Variants in BANP observed in about 807,000 individuals in gnomAD.
BANP encodes the protein protein BANP.
BANP carries 11 observed loss-of-function variants against 68.1 expected under a neutral mutation model. The ratio of observed to expected loss-of-function variants is 0.16; its 90% CI spans 0.10 to 0.27. BANP has a LOEUF of 0.27. BANP is among the 10% of genes least tolerant of loss of function. The pLI is 1.00. For missense variants in BANP, 504 were observed against 722.7 expected (o/e 0.70, Z 3.47); for synonymous variants, 329 against 303.2 (o/e 1.09, Z -0.88).
At chr16:88,073,348 C>G (rs1043507456) in intron 13 of BANP, among the ~76,000 whole-genome samples, 2 of 152,188 alleles carry the variant, frequency 1.3e-5, no homozygotes, top group South Asian at 2.1e-4. Flanking sequence ...GGCCCCTCCT[C>G]TGGCCTGAGC....
chr16:88,026,913 C>A (rs867244289), intron 7 of BANP, among the ~76,000 whole-genome samples: 10 of 152,226 alleles, frequency 6.6e-5, no homozygotes, highest in African/African-American at 2.2e-4. Context: ...GGAAGGTGGT[C>A]AGTGCTCTGA....
Position 87,975,086 on chromosome 16 carries a change from C to T in BANP, c.-30C>T, listed in dbSNP as rs75198035. The T allele has an allele frequency of 1.8e-5, 29 of 1,591,192 alleles. No individual in the cohort carries two copies. Among genetic ancestry groups the T allele is most frequent in the South Asian group, 4.4e-5 (4 of 90,700 alleles). On this transcript the variant is annotated 5_prime_UTR_variant, in exon 2 of 14. Coordinates refer to ENST00000682872, the MANE Select transcript of BANP (RefSeq NM_001386991.1). ...AGCCCCACTGTGAGTTGAACTCTTT[C>T]GTGTTGACCGGCCACTCTCCGTGCT...
intron 4 of BANP, among the ~76,000 whole-genome samples, chr16:87,996,554 G>T (rs944630180): frequency 7.2e-6 from 1 of 137,944 alleles, no homozygotes; most frequent in African/African-American, 2.8e-5. Flanking sequence ...CCTGGGCGCC[G>T]GCTGGGCTCT....
At chr16:87,962,333 G>C (rs1260971355) in intron 1 of BANP, among the ~76,000 whole-genome samples, 1 of 150,746 alleles carries the variant, frequency 6.6e-6, no homozygotes, top group Non-Finnish European at 1.5e-5. Flanking sequence ...AACGGAGTAA[G>C]ACAGCGTTAA....
At chr16:87,983,271 G>A (rs994210367) in intron 3 of BANP, among the ~76,000 whole-genome samples, 1 of 152,164 alleles carries the variant, frequency 6.6e-6, no homozygotes, top group African/African-American at 2.4e-5. Flanking sequence ...CTGAAGGAGT[G>A]TCCTTCTGTC....
chr16:87,981,076 T>A lies in BANP; in HGVS notation c.111T>A (p.Pro37=). Residue 37 remains proline (P), a synonymous_variant, in exon 3 of 14, where the codon CCT becomes CCA. Coordinates refer to ENST00000682872, the MANE Select transcript of BANP (RefSeq NM_001386991.1). ...ATGTAGTGACAGATGAAGACGAACC[T>A]GCTTTGAAACGCCAGCGACTAGAAA... ...ENHVVTDEDE[P]ALKRQRLEIN... 6.2e-7 allele frequency: 1 copy of A among 1,614,148 alleles called. No homozygotes were observed. The highest frequency in any genetic ancestry group is 1.1e-5 in the South Asian group (1 of 91,078).
At chr16:87,980,079 A>G (rs527406501) in intron 2 of BANP, among the ~76,000 whole-genome samples, 16 of 152,336 alleles carry the variant, frequency 1.1e-4, no homozygotes, top group South Asian at 4.1e-4. Context: ...GTTTATCTCA[A>G]TGTGTGAGCA....
At chr16:87,970,894 A>G (rs1473279847) in intron 1 of BANP, among the ~76,000 whole-genome samples, 2 of 152,002 alleles carry the variant, frequency 1.3e-5, no homozygotes, top group African/African-American at 2.4e-5. Context: ...GTGGGCACCT[A>G]TAATCACAGC....
chr16:88,043,644 G>T lies in BANP; in HGVS notation c.1311+5633G>T, dbSNP rs550470086. On this transcript the variant is annotated intron_variant, in intron 11 of 13. Coordinates refer to ENST00000682872, the MANE Select transcript of BANP (RefSeq NM_001386991.1). Reference sequence around the variant, plus strand: ...GATTGCAGAATTGGTTTGAGTAGAGGACAGGCCTTGTATGGTAAATTAGAC... The same window carrying T: ...GATTGCAGAATTGGTTTGAGTAGAGTACAGGCCTTGTATGGTAAATTAGAC... 1.2e-4 allele frequency among the ~76,000 whole-genome samples: 18 copies of T among 152,256 alleles called. 1 individual carries two copies. Among genetic ancestry groups the T allele is most frequent in the Non-Finnish European group, 2.4e-4 (16 of 68,016 alleles).
At chr16:88,028,247 C>T (rs1477503041) in intron 8 of BANP, among the ~76,000 whole-genome samples, 1 of 152,248 alleles carries the variant, frequency 6.6e-6, no homozygotes, top group Non-Finnish European at 1.5e-5. Flanking sequence ...CCCACAGTAG[C>T]TGCATTGGCA....
At chr16:88,014,016 C>G (rs1466046952) in intron 6 of BANP, among the ~76,000 whole-genome samples, 2 of 152,240 alleles carry the variant, frequency 1.3e-5, no homozygotes, top group East Asian at 3.8e-4. Flanking sequence ...CCAGCACAAA[C>G]TGGGTCCTGC....
intron 11 of BANP, among the ~76,000 whole-genome samples, chr16:88,054,545 C>G (rs2084474307): frequency 6.6e-6 from 1 of 152,074 alleles, no homozygotes; most frequent in African/African-American, 2.4e-5. Flanking sequence ...TTGCCCTTAC[C>G]TCCGCCACCC....
chr16:88,035,060 G>C (rs57644668), intron 9 of BANP: 8 of 461,074 alleles, frequency 1.7e-5, no homozygotes, highest in Admixed American at 1.5e-4. Context: ...AGCATATATG[G>C]GGTTCAGCAC....
chr16:88,065,713 G>A (rs2088355627), intron 12 of BANP, among the ~76,000 whole-genome samples: 1 of 152,184 alleles, frequency 6.6e-6, no homozygotes, highest in South Asian at 2.1e-4. Flanking sequence ...CAACCTAGGA[G>A]GGAGGAGAGC....
chr16:88,038,444 G>A (rs1288363093), intron 11 of BANP, among the ~76,000 whole-genome samples: 1 of 152,190 alleles, frequency 6.6e-6, no homozygotes, highest in East Asian at 1.9e-4. Flanking sequence ...CAGCTTTTGC[G>A]CTATGGCGGA....
intron 13 of BANP, among the ~76,000 whole-genome samples, chr16:88,075,683 G>A (rs1182736868): frequency 3.3e-5 from 5 of 151,832 alleles, no homozygotes; most frequent in Admixed American, 6.6e-5. Context: ...CACCTGGGGC[G>A]TGTTCCGTGT....
At chr16:88,043,557 G>T (rs1454556866) in intron 11 of BANP, among the ~76,000 whole-genome samples, 1 of 152,218 alleles carries the variant, frequency 6.6e-6, no homozygotes, top group Non-Finnish European at 1.5e-5. Flanking sequence ...TGATATCATA[G>T]TAGAAATTCG....
chr16:88,008,384 T>G (rs1325719259), intron 6 of BANP, among the ~76,000 whole-genome samples: 3 of 152,228 alleles, frequency 2.0e-5, no homozygotes, highest in Non-Finnish European at 4.4e-5. Context: ...CTGATTTCAT[T>G]TTCATAGAAA....
At position 88,071,326 on chromosome 16, in the gene BANP, G is replaced by A. The variant is rs1033187575; in HGVS notation, c.1378-743G>A. 2.7e-6 allele frequency: 1 copy of A among 374,028 alleles called. No homozygotes were observed. Among genetic ancestry groups the A allele is most frequent in the Non-Finnish European group, 5.3e-6 (1 of 187,616 alleles). The allele number at this position is 374,028 out of a possible 1,614,324, so 23.2% of individuals were successfully genotyped here. ...CTGCCTGGGCCGTCTTGACACCGGAGCTGCCTGCCTGGATGTTGGAGCGCC... is the reference window on the plus strand; with the variant it reads ...CTGCCTGGGCCGTCTTGACACCGGAACTGCCTGCCTGGATGTTGGAGCGCC... On this transcript the variant is annotated intron_variant, in intron 12 of 13. Coordinates refer to ENST00000682872, the MANE Select transcript of BANP (RefSeq NM_001386991.1). The surrounding 1 kb of genome is among the most constrained non-coding windows in gnomAD (Gnocchi z 6.5).
Sources: gnomAD v4.1 joint callset for allele counts (sites outside exome capture counted in the v4.1 genomes callset) on GRCh38, gnomAD v4.1.1 for gene constraint, Gnocchi (gnomAD v3.1) non-coding constraint, MANE v1.5 for transcripts, NCBI Gene and HGNC (gene_info 2026-07-23, HGNC 2026-07-21) for gene names.